The following SYT14 variants were observed in gnomAD, a reference collection of about 807,000 sequenced individuals.
The protein encoded by SYT14 is synaptotagmin-14.
In SYT14, 32 loss-of-function variants were observed where a neutral mutation model predicts 74.2. That is an observed-to-expected ratio of 0.43 (90% CI 0.33 to 0.58). The LOEUF (loss-of-function observed/expected upper bound fraction) is 0.58. Among genes scored for constraint, SYT14 ranks in the 20% least tolerant of loss-of-function variants. The pLI is 0.05. For synonymous variants in SYT14, 298 were observed against 337.7 expected, an observed-to-expected ratio of 0.88 and a Z score of 1.29; for missense variants, 791 against 981.8, an observed-to-expected ratio of 0.81 and a Z score of 2.60.
intron 5 of SYT14, among the ~76,000 whole-genome samples, chr1:210,074,468 G>C (rs1197626374): frequency 2.0e-5 from 3 of 152,128 alleles, no homozygotes; most frequent in African/African-American, 7.2e-5. Flanking sequence ...ATAAGGTATT[G>C]ATACAAACAT....
At chr1:209,951,411 T>A (rs916907699) in intron 1 of SYT14, among the ~76,000 whole-genome samples, 1 of 152,340 alleles carries the variant, frequency 6.6e-6, no homozygotes, top group African/African-American at 2.4e-5. Flanking sequence ...CTGCTTTCTT[T>A]CACTTAGCAT....
At chr1:210,086,484 A>G (rs1459513942) in intron 5 of SYT14, among the ~76,000 whole-genome samples, 3 of 152,114 alleles carry the variant, frequency 2.0e-5, no homozygotes, top group Admixed American at 1.3e-4. Context: ...AAGCTGATTT[A>G]TTTGTCCTTT....
Position 210,115,837 on chromosome 1 carries a change from G to A in SYT14, c.2034+15376G>A, listed in dbSNP as rs547291772. ...AGGGAGGTCTCCCAGTCTGAGTCAC[G>A]GCACCAAATTTCATGTGCATCTGTG... On this transcript the variant is annotated intron_variant, in intron 7 of 9. Coordinates refer to ENST00000637265, the Ensembl canonical transcript of SYT14. 1.2e-4 allele frequency among the ~76,000 whole-genome samples: 18 copies of A among 151,396 alleles called. No individual in the cohort carries two copies. In the East Asian group the frequency reaches 3.3e-3, roughly 28 times the overall value.
At position 210,000,613 on chromosome 1, in the gene SYT14, C is replaced by CTTTTTTTTTTTTTTTTTTTTTTTTT. The variant is rs71146203; in HGVS notation, c.-485-13001_-485-13000insTTTTTTTTTTTTTTTTTTTTTTTTT. On this transcript the variant is annotated intron_variant, in intron 2 of 9. Coordinates refer to ENST00000637265, the Ensembl canonical transcript of SYT14. ...TTTCATTAGGGCTGTTTTATGCCTT[C>CTTTTTTTTTTTTTTTTTTTTTTTTT]TTTTTTTTTTTTTTTTTTTGAGATA... is the stretch of plus-strand genomic sequence containing the variant. 3.2e-4 allele frequency among the ~76,000 whole-genome samples: 34 copies of CTTTTTTTTTTTTTTTTTTTTTTTTT among 105,416 alleles called. 2 individuals are homozygous for CTTTTTTTTTTTTTTTTTTTTTTTTT. Among genetic ancestry groups the CTTTTTTTTTTTTTTTTTTTTTTTTT allele is most frequent in the Admixed American group, 2.4e-3 (19 of 7,882 alleles). The allele number at this position is 105,416 out of a possible 152,430, so 69.2% of individuals were successfully genotyped here.
At chr1:209,954,786 A>C (rs2078965931) in intron 2 of SYT14, among the ~76,000 whole-genome samples, 1 of 151,594 alleles carries the variant, frequency 6.6e-6, no homozygotes, top group African/African-American at 2.4e-5. Flanking sequence ...GCCCACTGCA[A>C]CCTCTGCCTC....
intron 1 of SYT14, among the ~76,000 whole-genome samples, chr1:209,938,732 C>T (rs72649921): frequency 1.3e-5 from 2 of 152,060 alleles, no homozygotes; most frequent in Non-Finnish European, 2.9e-5. Flanking sequence ...TCCTGCCAAA[C>T]TGAGAGTCCA....
intron 7 of SYT14, among the ~76,000 whole-genome samples, chr1:210,102,021 ATC>A (rs934924570): frequency 6.6e-5 from 10 of 152,200 alleles, no homozygotes; most frequent in Non-Finnish European, 1.5e-4. Context: ...TGATTCTGTA[ATC>A]TTTTTCTGCC....
chr1:209,987,385 C>G (rs866294878), intron 2 of SYT14, among the ~76,000 whole-genome samples: 10 of 152,220 alleles, frequency 6.6e-5, no homozygotes, highest in African/African-American at 2.4e-4. Flanking sequence ...GGCATCTGTT[C>G]AGCTTCTGTA....
At chr1:210,135,319 C>G (rs559756328) in intron 7 of SYT14, among the ~76,000 whole-genome samples, 1 of 152,064 alleles carries the variant, frequency 6.6e-6, no homozygotes, top group Non-Finnish European at 1.5e-5. Context: ...TGATTTTAGA[C>G]CTTCTATTGC....
intron 1 of SYT14, among the ~76,000 whole-genome samples, chr1:209,950,457 A>G (rs373273449): frequency 6.6e-6 from 1 of 152,312 alleles, no homozygotes; most frequent in East Asian, 1.9e-4. Context: ...CCTTTCAGCA[A>G]GTGATCTGTG....
intron 7 of SYT14, among the ~76,000 whole-genome samples, chr1:210,132,569 G>A (rs12023830): frequency 9.1e-4 from 46 of 50,656 alleles, no homozygotes; most frequent in African/African-American, 1.9e-3. Flanking sequence ...TTTATATATT[G>A]TGTGTGTGTG....
intron 2 of SYT14, among the ~76,000 whole-genome samples, chr1:209,993,540 G>A (rs2079731717): frequency 6.6e-6 from 1 of 152,190 alleles, no homozygotes; most frequent in Non-Finnish European, 1.5e-5. Flanking sequence ...CACTGAGGGG[G>A]CGACACGCAT....
chr1:209,998,804 T>C (rs1404289193), intron 2 of SYT14, among the ~76,000 whole-genome samples: 1 of 151,970 alleles, frequency 6.6e-6, no homozygotes, highest in East Asian at 1.9e-4. Flanking sequence ...CAAGATTGAT[T>C]AAAGACTTAA....
At chr1:209,964,744 G>A (rs2079128352) in intron 2 of SYT14, among the ~76,000 whole-genome samples, 2 of 152,048 alleles carry the variant, frequency 1.3e-5, no homozygotes, top group East Asian at 3.9e-4. Context: ...GCCTAGGAAA[G>A]TCCATTAGAG....
At chr1:210,038,648 G>C (rs1294170540) in intron 5 of SYT14, among the ~76,000 whole-genome samples, 2 of 152,006 alleles carry the variant, frequency 1.3e-5, no homozygotes, top group Admixed American at 1.3e-4. Flanking sequence ...TTTCCTGTTT[G>C]GGAAAGACTA....
At chr1:209,990,527 A>ATATATATATACGTATATATACACG (rs2079646933) in intron 2 of SYT14, among the ~76,000 whole-genome samples, 9 of 12,818 alleles carry the variant, frequency 7.0e-4, no homozygotes, top group African/African-American at 2.8e-3. Flanking sequence ...TATTTCACAT[A>ATATATATATACGTATATATACACG]TATATATATA....
chr1:210,013,972 A>G (rs949550047), intron 3 of SYT14, among the ~76,000 whole-genome samples, 175 bp downstream of exon 3: 2 of 152,188 alleles, frequency 1.3e-5, no homozygotes, highest in African/African-American at 4.8e-5. Context: ...TCTGTTGTTT[A>G]TGAATTGCTG....
intron 7 of SYT14, among the ~76,000 whole-genome samples, chr1:210,130,928 TATTC>T (rs1030886298): frequency 2.7e-4 from 41 of 152,224 alleles, no homozygotes; most frequent in African/African-American, 9.4e-4. Context: ...GTCGGTAACT[TATTC>T]ATAACATTTG....
intron 7 of SYT14, among the ~76,000 whole-genome samples, chr1:210,109,148 C>T (rs1356288374): frequency 1.3e-5 from 2 of 152,076 alleles, no homozygotes; most frequent in Admixed American, 1.3e-4. Flanking sequence ...AGGATATGAA[C>T]AGACACTTCT....
Sources: gnomAD v4.1 joint callset for allele counts (sites outside exome capture counted in the v4.1 genomes callset) on GRCh38, gnomAD v4.1.1 for gene constraint, MANE v1.5 for transcripts, NCBI Gene and HGNC (gene_info 2026-07-23, HGNC 2026-07-21) for gene names.